Variants in SART3 observed in about 807,000 individuals in gnomAD.
SART3 encodes the protein HIV-1 Tat-interacting protein of 110kDa.
In SART3, 44 loss-of-function variants were observed where a neutral mutation model predicts 122.3. That is an observed-to-expected ratio of 0.36 (90% CI 0.28 to 0.46). SART3 has a LOEUF of 0.46. Ranked by LOEUF, SART3 falls within the 20% of genes least tolerant of loss-of-function variation. The probability of loss-of-function intolerance (pLI) is 1.00; values close to 1 mark genes in which losing one functional copy is unlikely to be tolerated. For missense variants in SART3, 1,101 were observed against 1,229.0 expected (o/e 0.90, Z 1.56); for synonymous variants, 442 against 454.0 (o/e 0.97, Z 0.34).
intron 6 of SART3, among the ~76,000 whole-genome samples, 177 bp from the exon 7 acceptor site, chr12:108,539,266 T>A (rs1025588623): frequency 2.6e-5 from 4 of 152,244 alleles, no homozygotes; most frequent in African/African-American, 9.6e-5. Flanking sequence ...AGTCTTCTCA[T>A]CTGGTCCAAA....
chr12:108,558,766 G>A (rs1358473831), intron 1 of SART3, among the ~76,000 whole-genome samples: 1 of 152,172 alleles, frequency 6.6e-6, no homozygotes, highest in Non-Finnish European at 1.5e-5. Context: ...AGGCGCGGTG[G>A]CTCACGCCTG....
chr12:108,538,060 C>T lies in SART3; in HGVS notation c.1201+5G>A, dbSNP rs1872991303. ...TTAGAAGTTCTCCCACAAAAACATC[C>T]GCACCAGAAATTACTTGATGATCAA... On this transcript the variant is annotated splice_donor_5th_base_variant and intron_variant, in intron 8 of 18. Transcript: ENST00000546815. The T allele has an allele frequency of 1.2e-6, 2 of 1,613,968 alleles. No individual in the cohort carries two copies. Among genetic ancestry groups the T allele is most frequent in the Non-Finnish European group, 1.7e-6 (2 of 1,179,992 alleles).
At chr12:108,539,812 T>C (rs1297405694) in intron 6 of SART3, among the ~76,000 whole-genome samples, 1 of 152,166 alleles carries the variant, frequency 6.6e-6, no homozygotes, top group Non-Finnish European at 1.5e-5. Flanking sequence ...AGGGCCTCCA[T>C]TTCCAGTAAC....
chr12:108,530,365 C>T (rs1872621103), intron 14 of SART3, 55 bp from the exon 15 acceptor site: 1 of 1,588,900 alleles, frequency 6.3e-7, no homozygotes, highest in Non-Finnish European at 8.6e-7. Context: ...ATTCACTGTA[C>T]TGATTTGTCA....
At chr12:108,526,639 G>C in intron 15 of SART3, 86 bp from the exon 16 acceptor site, 1 of 1,397,150 alleles carries the variant, frequency 7.2e-7, no homozygotes, top group South Asian at 1.2e-5. Context: ...TGAAAGTGCT[G>C]TGACAGCTGC....
At chr12:108,542,811 TAGG>T (rs1565863744) in intron 6 of SART3, 1 of 664,694 alleles carries the variant, frequency 1.5e-6, no homozygotes, top group Non-Finnish European at 2.7e-6. Context: ...GAGGGGCACA[TAGG>T]AGACTTCTAA....
chr12:108,532,639 G>A, intron 12 of SART3: 2 of 370,632 alleles, frequency 5.4e-6, no homozygotes, highest in South Asian at 2.1e-5. Context: ...CATGGCGGGG[G>A]AGTCCAACAG....
At chr12:108,540,239 A>G (rs1873097287) in intron 6 of SART3, among the ~76,000 whole-genome samples, 1 of 152,250 alleles carries the variant, frequency 6.6e-6, no homozygotes, top group South Asian at 2.1e-4. Context: ...AACAACAGAC[A>G]TCAGAAGACA....
intron 14 of SART3, among the ~76,000 whole-genome samples, chr12:108,530,676 G>A (rs1872639905): frequency 6.6e-6 from 1 of 152,106 alleles, no homozygotes; most frequent in South Asian, 2.1e-4. Flanking sequence ...CTAACATGGT[G>A]AAACCCCATC....
chr12:108,535,597 A>T, intron 11 of SART3, 129 bp from the exon 12 acceptor site: 1 of 806,836 alleles, frequency 1.2e-6, no homozygotes, highest in Non-Finnish European at 2.2e-6. Flanking sequence ...GTCCCTGGGC[A>T]TTCCCCAGGC....
chr12:108,542,738 A>C, intron 6 of SART3: 1 of 476,046 alleles, frequency 2.1e-6, no homozygotes, highest in African/African-American at 2.0e-5. Context: ...AAGCAAGGGA[A>C]TTATCATCAC....
rs765026452 is a variant in SART3, at chr12:108,532,288, C to T, written c.1603G>A (p.Val535Ile). 9.9e-6 allele frequency: 16 copies of T among 1,613,980 alleles called. No individual in the cohort carries two copies. Among genetic ancestry groups the T allele is most frequent in the Admixed American group, 1.7e-5 (1 of 60,002 alleles). Residue 535 changes from valine to isoleucine, a missense_variant, in exon 13 of 19, where the codon GTC (valine) becomes ATC (isoleucine). Physicochemically the swap from Val to Ile is conservative, Grantham distance 29 (BLOSUM62 3). This residue lies in a region of SART3 where 885 missense variants were observed against 1,080.1 expected (regional missense o/e 0.82). Transcript: ENST00000546815. Reference sequence around the variant, plus strand: ...TCTGGGTAGTCACTGGTGCACTGGACGGCCCGGTGCAGAGCCTTCCGGCAG... The same window carrying T: ...TCTGGGTAGTCACTGGTGCACTGGATGGCCCGGTGCAGAGCCTTCCGGCAG... ...QHCRKALHRA[V>I]QCTSDYPEHV...
chr12:108,538,709 A>G (rs537135014), intron 7 of SART3, among the ~76,000 whole-genome samples: 2 of 152,258 alleles, frequency 1.3e-5, no homozygotes, highest in East Asian at 1.9e-4. Flanking sequence ...TCAAGTTGTT[A>G]TAAGTCCTCA....
At chr12:108,535,938 G>C (rs577948973) in intron 11 of SART3, among the ~76,000 whole-genome samples, 232 of 152,156 alleles carry the variant, frequency 1.5e-3, no homozygotes, top group African/African-American at 5.4e-3. Flanking sequence ...AAAACTACCT[G>C]ACAAATGTTA....
chr12:108,543,659 T>C (rs1565864099), intron 5 of SART3, among the ~76,000 whole-genome samples: 2 of 152,344 alleles, frequency 1.3e-5, no homozygotes, highest in East Asian at 1.9e-4. Context: ...TCTAGTGTTT[T>C]CTGCATGATA....
chr12:108,544,360 C>T (rs910481954), intron 5 of SART3, 67 bp downstream of exon 5: 14 of 1,363,178 alleles, frequency 1.0e-5, no homozygotes, highest in Admixed American at 5.0e-5. Flanking sequence ...GGTCTAACTA[C>T]ATGTTGTTCC....
Position 108,524,507 on chromosome 12 carries a change from C to G in SART3, c.2524-1G>C. ...TTTCATACTCCACGTAGGCCAGGCCCTGGAAGAGGCAAGATCCAGAACCAA... is the reference window on the plus strand; with the variant it reads ...TTTCATACTCCACGTAGGCCAGGCCGTGGAAGAGGCAAGATCCAGAACCAA... On this transcript the variant is annotated splice_acceptor_variant, in intron 17 of 18. Coordinates refer to ENST00000546815, the MANE Select transcript of SART3 (RefSeq NM_014706.4). LOFTEE classifies it high-confidence loss of function. 1 of 1,614,150 alleles carries G rather than the reference C, an allele frequency of 6.2e-7. No homozygotes were observed. The highest frequency in any genetic ancestry group is 8.5e-7 in the Non-Finnish European group (1 of 1,179,998).
chr12:108,533,591 T>C (rs1872777951), intron 12 of SART3, among the ~76,000 whole-genome samples: 1 of 152,228 alleles, frequency 6.6e-6, no homozygotes, highest in Non-Finnish European at 1.5e-5. Flanking sequence ...ATTTGTTGCA[T>C]GTGATAGAAT....
intron 4 of SART3, chr12:108,544,738 T>A (rs1305284774): frequency 1.6e-6 from 1 of 607,398 alleles, no homozygotes; most frequent in East Asian, 2.8e-5. Context: ...GCTAATGTTT[T>A]AGTTCTTGTA....
Sources: allele counts gnomAD v4.1 joint callset (sites outside exome capture counted in the v4.1 genomes callset), GRCh38; gene constraint gnomAD v4.1.1; regional missense constraint gnomAD v4.1.1; transcripts MANE v1.5; gene names NCBI Gene and HGNC (gene_info 2026-07-23, HGNC 2026-07-21).